The following STUM variants were observed in gnomAD, a reference collection of about 807,000 sequenced individuals.
The protein encoded by STUM is protein stum homolog.
In STUM, 8 loss-of-function variants were observed where a neutral mutation model predicts 15.3. The ratio of observed to expected loss-of-function variants is 0.52; its 90% confidence interval spans 0.31 to 0.94. The LOEUF is 0.94. Among genes scored for constraint, STUM ranks in the 40% least tolerant of loss-of-function variants. The pLI is 0.05. For missense variants in STUM, 142 were observed against 204.9 expected (o/e 0.69, Z 1.87); for synonymous variants, 78 against 88.7 (o/e 0.88, Z 0.68).
At chr1:226,568,853 G>A (rs532681733) in intron 1 of STUM, among the ~76,000 whole-genome samples, 3 of 152,196 alleles carry the variant, frequency 2.0e-5, no homozygotes, top group Non-Finnish European at 2.9e-5. Flanking sequence ...AATGAGGGTG[G>A]CCTCTCTTAT....
chr1:226,559,627 C>T (rs1365848526), intron 1 of STUM, among the ~76,000 whole-genome samples: 2 of 152,176 alleles, frequency 1.3e-5, no homozygotes, highest in East Asian at 1.9e-4. Context: ...CTTGTCCCTC[C>T]GGAACAATGT....
intron 2 of STUM, among the ~76,000 whole-genome samples, chr1:226,598,030 G>T (rs2102712638): frequency 6.6e-6 from 1 of 152,346 alleles, no homozygotes; most frequent in Middle Eastern, 3.4e-3. Flanking sequence ...CAGGGCAGGG[G>T]CTGCCCTGTC....
rs980195474 is a variant in STUM at position 226,608,874 on chromosome 1, A to T, written c.*6834A>T. Reference sequence around the variant, plus strand: ...CTCAGGACCCAGCCCCAGCCCCGGCAGACCTTCCCTGGGAGCTGCTTAGGT... The same window carrying T: ...CTCAGGACCCAGCCCCAGCCCCGGCTGACCTTCCCTGGGAGCTGCTTAGGT... On this transcript the variant is annotated 3_prime_UTR_variant, in exon 4 of 4. Transcript: ENST00000366788. The surrounding 1 kb of genome is among the most constrained non-coding windows in gnomAD (Gnocchi z 4.0). The T allele has an allele frequency of 6.6e-5, 10 of 152,332 alleles. No homozygotes were observed. The highest frequency in any genetic ancestry group is 2.4e-4 in the African/African-American group (10 of 41,466). 9.4% of individuals were successfully genotyped at this position (152,332 alleles called of 1,614,324 possible).
At chr1:226,582,672 A>G (rs1355671215) in intron 1 of STUM, among the ~76,000 whole-genome samples, 1 of 151,518 alleles carries the variant, frequency 6.6e-6, no homozygotes, top group East Asian at 1.9e-4. Context: ...AAGCCAGTGC[A>G]CAGGAAGCCA....
chr1:226,554,090 A>G (rs1023098890), intron 1 of STUM, among the ~76,000 whole-genome samples: 12 of 152,190 alleles, frequency 7.9e-5, no homozygotes, highest in South Asian at 2.1e-4. Context: ...GCTTTGGCCA[A>G]TTGAATGTGA....
intron 1 of STUM, among the ~76,000 whole-genome samples, chr1:226,588,769 A>G (rs999190962): frequency 6.6e-5 from 10 of 152,224 alleles, no homozygotes; most frequent in African/African-American, 2.4e-4. Flanking sequence ...GACCCTGAAC[A>G]TAATCTCCCA....
chr1:226,592,806 C>G (rs1374632105), intron 1 of STUM, among the ~76,000 whole-genome samples: 1 of 152,242 alleles, frequency 6.6e-6, no homozygotes, highest in Non-Finnish European at 1.5e-5. Flanking sequence ...CCTGTGTCCA[C>G]TACCAAGCCC....
At chr1:226,569,992 G>C (rs1467386411) in intron 1 of STUM, among the ~76,000 whole-genome samples, 5 of 152,162 alleles carry the variant, frequency 3.3e-5, no homozygotes, top group African/African-American at 9.7e-5. Context: ...ACAGCTCACT[G>C]GTCCCTCAGG....
chr1:226,554,767 T>C (rs1471360810), intron 1 of STUM, among the ~76,000 whole-genome samples: 1 of 152,208 alleles, frequency 6.6e-6, no homozygotes, highest in Non-Finnish European at 1.5e-5. Context: ...CTTCTAAAAA[T>C]AGCCTCTCCT....
intron 1 of STUM, among the ~76,000 whole-genome samples, chr1:226,591,608 C>T (rs1417215887): frequency 1.3e-5 from 2 of 152,170 alleles, no homozygotes; most frequent in Non-Finnish European, 2.9e-5. Context: ...AGCCCACTGG[C>T]CTCTAATCAC....
intron 1 of STUM, among the ~76,000 whole-genome samples, chr1:226,573,058 TTTG>T (rs1385018186): frequency 1.3e-5 from 2 of 152,260 alleles, no homozygotes; most frequent in East Asian, 3.9e-4. Context: ...TGGGGTTTGG[TTTG>T]TTGTTGTTTT....
Position 226,601,399 on chromosome 1 carries a change from TAAGAAAACAA to T in STUM, c.392-605_392-596del, listed in dbSNP as rs1264257459. On this transcript the variant is annotated intron_variant, in intron 3 of 3. Coordinates refer to ENST00000366788, the MANE Select transcript of STUM (RefSeq NM_001003665.4). Reference sequence around the variant, plus strand: ...CTCGGCCTCCCAAAGGGTATCTTCTTAAGAAAACAAACACAATACCCTTTCACACCTAAAT... The same window carrying T: ...CTCGGCCTCCCAAAGGGTATCTTCTTACACAATACCCTTTCACACCTAAAT... Among the ~76,000 whole-genome samples the T allele has an allele frequency of 2.6e-5, 4 of 152,142 alleles. No homozygotes were observed. In the East Asian group the frequency reaches 7.7e-4, roughly 29 times the overall value.
At chr1:226,551,874 A>T (rs891769374) in intron 1 of STUM, among the ~76,000 whole-genome samples, 30 of 152,252 alleles carry the variant, frequency 2.0e-4, no homozygotes, top group African/African-American at 7.2e-4. Flanking sequence ...TCCCTGAGGG[A>T]GTAGTGTTAG....
At chr1:226,559,973 CA>C (rs61708964) in intron 1 of STUM, among the ~76,000 whole-genome samples, 119,658 of 141,210 alleles carry the variant, frequency 0.85, 50,185 homozygotes, top group East Asian at 0.92. Flanking sequence ...GACTCCGTCT[CA>C]AAAAAAAAAA....
intron 1 of STUM, among the ~76,000 whole-genome samples, chr1:226,550,913 C>T (rs941618373): frequency 6.6e-6 from 1 of 152,148 alleles, no homozygotes; most frequent in African/African-American, 2.4e-5. Flanking sequence ...AGATCAGAAT[C>T]CTATGGGATT....
intron 1 of STUM, among the ~76,000 whole-genome samples, chr1:226,582,136 C>T (rs368404195): frequency 4.6e-5 from 7 of 152,220 alleles, no homozygotes; most frequent in African/African-American, 9.7e-5. Context: ...TCCACTGATA[C>T]GGAGGCAGAC....
rs1368113984 is a variant in STUM at position 226,604,693 on chromosome 1, G to A, written c.*2653G>A. ...GCTGAAAATTAGGGTTCTCGTGCAG[G>A]CAAGTGCATGGTTGACACACAGCCC... On this transcript the variant is annotated 3_prime_UTR_variant, in exon 4 of 4. Coordinates refer to ENST00000366788, the MANE Select transcript of STUM (RefSeq NM_001003665.4). This position sits in a 1 kb window ranked among gnomAD's most constrained non-coding sequence, Gnocchi z 4.7. 2.6e-5 allele frequency: 4 copies of A among 152,280 alleles called. No individual in the cohort carries two copies. The highest frequency in any genetic ancestry group is 4.4e-5 in the Non-Finnish European group (3 of 68,058). The allele number at this position is 152,280 out of a possible 1,614,324, so 9.4% of individuals were successfully genotyped here.
At chr1:226,585,742 T>C (rs1049748238) in intron 1 of STUM, among the ~76,000 whole-genome samples, 2 of 152,180 alleles carry the variant, frequency 1.3e-5, no homozygotes, top group African/African-American at 4.8e-5. Flanking sequence ...AAGCACTCAG[T>C]AGGTACTTCG....
At chr1:226,577,452 A>G (rs564533138) in intron 1 of STUM, among the ~76,000 whole-genome samples, 65 of 152,206 alleles carry the variant, frequency 4.3e-4, no homozygotes, top group African/African-American at 1.5e-3. Context: ...GTGGGAGGCT[A>G]TCTGCTGTCT....
Sources: gnomAD v4.1 joint callset for allele counts (sites outside exome capture counted in the v4.1 genomes callset) on GRCh38, gnomAD v4.1.1 for gene constraint, Gnocchi (gnomAD v3.1) non-coding constraint, MANE v1.5 for transcripts, NCBI Gene and HGNC (gene_info 2026-07-23, HGNC 2026-07-21) for gene names.